The following CNTNAP5 variants were observed in gnomAD, a reference collection of about 807,000 sequenced individuals.
The protein encoded by CNTNAP5 is contactin-associated protein-like 5.
A neutral mutation model predicts 150.2 loss-of-function variants in CNTNAP5; 72 were observed. That is an observed-to-expected ratio of 0.48 (90% CI 0.40 to 0.58). The LOEUF (loss-of-function observed/expected upper bound fraction) is 0.58, where lower values mean the gene tolerates loss of function less well. Among genes scored for constraint, CNTNAP5 ranks in the 20% least tolerant of loss-of-function variants. CNTNAP5 has a pLI of 0.00. For missense variants in CNTNAP5, 1,636 were observed against 1,626.2 expected (o/e 1.01, Z -0.10); for synonymous variants, 672 against 619.8 (o/e 1.08, Z -1.25).
intron 8 of CNTNAP5, among the ~76,000 whole-genome samples, chr2:124,520,667 G>A (rs1187595137): frequency 1.3e-5 from 2 of 152,064 alleles, no homozygotes; most frequent in Non-Finnish European, 2.9e-5. Flanking sequence ...TATATCATGG[G>A]GGTGCTTAGT....
intron 22 of CNTNAP5, among the ~76,000 whole-genome samples, chr2:124,909,716 C>T (rs1678613101): frequency 6.7e-6 from 1 of 150,182 alleles, no homozygotes; most frequent in East Asian, 2.0e-4. Context: ...CTCCCTCCCC[C>T]TTTTATTGAC....
chr2:124,082,309 A>G lies in CNTNAP5; in HGVS notation c.82+56577A>G, dbSNP rs575147331. Among the ~76,000 whole-genome samples, 32 of 140,582 alleles carry G rather than the reference A, an allele frequency of 2.3e-4. 1 individual carries two copies. Among genetic ancestry groups the G allele is most frequent in the Admixed American group, 3.9e-4 (5 of 12,768 alleles). The allele number at this position is 140,582 out of a possible 152,430, so 92.2% of individuals were successfully genotyped here. ...GGTTGCAGTGAGCCGAGACTGTGCCACTGCACTCTAGCCTGGGCAACAGAG... is the reference window on the plus strand; with the variant it reads ...GGTTGCAGTGAGCCGAGACTGTGCCGCTGCACTCTAGCCTGGGCAACAGAG... On this transcript the variant is annotated intron_variant, in intron 1 of 23. Coordinates refer to ENST00000682447, the MANE Select transcript of CNTNAP5 (RefSeq NM_001367498.1).
At chr2:124,231,113 C>T (rs375549461) in intron 2 of CNTNAP5, among the ~76,000 whole-genome samples, 27 of 152,150 alleles carry the variant, frequency 1.8e-4, no homozygotes, top group Non-Finnish European at 2.8e-4. Flanking sequence ...GGATCAGAAC[C>T]CGTGCATTAA....
intron 10 of CNTNAP5, among the ~76,000 whole-genome samples, chr2:124,559,333 A>G (rs1230553379): frequency 2.6e-5 from 4 of 151,950 alleles, no homozygotes; most frequent in Non-Finnish European, 4.4e-5. Context: ...CCTTAAGACA[A>G]TGCACATTCT....
chr2:124,866,260 A>G (rs1051802644), intron 20 of CNTNAP5, among the ~76,000 whole-genome samples: 3 of 152,164 alleles, frequency 2.0e-5, no homozygotes, highest in Middle Eastern at 3.2e-3. Flanking sequence ...TCCATCTCAA[A>G]AAACAAACAA....
intron 3 of CNTNAP5, among the ~76,000 whole-genome samples, chr2:124,400,189 T>G (rs2104757354): frequency 6.6e-6 from 1 of 152,098 alleles, no homozygotes; most frequent in East Asian, 1.9e-4. Context: ...CCACCTGTTC[T>G]GCTTGAGATT....
intron 11 of CNTNAP5, among the ~76,000 whole-genome samples, chr2:124,563,611 C>G (rs961829717): frequency 2.0e-5 from 3 of 152,128 alleles, no homozygotes; most frequent in Non-Finnish European, 4.4e-5. Context: ...GTGCTGTAGG[C>G]ACACAAGAGG....
intron 8 of CNTNAP5, among the ~76,000 whole-genome samples, chr2:124,516,025 GA>G (rs1169392819): frequency 6.6e-6 from 1 of 152,044 alleles, no homozygotes; most frequent in Non-Finnish European, 1.5e-5. Flanking sequence ...AAAAGAGGGG[GA>G]CCACTAAAGA....
intron 3 of CNTNAP5, among the ~76,000 whole-genome samples, chr2:124,370,450 G>A (rs1386739186): frequency 6.6e-6 from 1 of 152,094 alleles, no homozygotes; most frequent in Non-Finnish European, 1.5e-5. Flanking sequence ...GTGACTACTA[G>A]CCTCTTCTCA....
chr2:124,418,001 C>A (rs562247616), intron 4 of CNTNAP5, among the ~76,000 whole-genome samples: 2 of 152,292 alleles, frequency 1.3e-5, no homozygotes, highest in East Asian at 3.9e-4. Flanking sequence ...GGAGAAAGAA[C>A]AACTAAATGT....
chr2:124,180,333 T>C (rs960075797), intron 1 of CNTNAP5, among the ~76,000 whole-genome samples: 10 of 152,214 alleles, frequency 6.6e-5, no homozygotes, highest in Non-Finnish European at 1.3e-4. Flanking sequence ...AAATTTGAAA[T>C]AGATATTTTG....
At chr2:124,306,786 G>A (rs1478729579) in intron 3 of CNTNAP5, among the ~76,000 whole-genome samples, 1 of 140,904 alleles carries the variant, frequency 7.1e-6, no homozygotes, top group Non-Finnish European at 1.5e-5. Context: ...GGAGTTCAGT[G>A]GCATAATCTT....
At chr2:124,252,489 C>G (rs1024391961) in intron 3 of CNTNAP5, among the ~76,000 whole-genome samples, 1 of 152,142 alleles carries the variant, frequency 6.6e-6, no homozygotes, top group East Asian at 1.9e-4. Context: ...TTTTTCTGAG[C>G]CCTCTCTGGG....
chr2:124,361,148 T>G (rs1573941356), intron 3 of CNTNAP5, among the ~76,000 whole-genome samples: 1 of 148,382 alleles, frequency 6.7e-6, no homozygotes, highest in East Asian at 2.0e-4. Flanking sequence ...GAGCCTTGGG[T>G]TTCAGCTCCA....
intron 23 of CNTNAP5, among the ~76,000 whole-genome samples, chr2:124,913,635 A>G (rs1261060344): frequency 6.6e-6 from 1 of 152,136 alleles, no homozygotes; most frequent in East Asian, 1.9e-4. Context: ...AATTTACATC[A>G]GGAGAGCATG....
intron 10 of CNTNAP5, among the ~76,000 whole-genome samples, chr2:124,545,816 G>T (rs1695499187): frequency 6.6e-6 from 1 of 152,166 alleles, no homozygotes; most frequent in Non-Finnish European, 1.5e-5. Flanking sequence ...CTCAAGCCAA[G>T]TACAGTAGCA....
chr2:124,028,428 A>G (rs1386693472), intron 1 of CNTNAP5, among the ~76,000 whole-genome samples: 1 of 152,100 alleles, frequency 6.6e-6, no homozygotes, highest in Non-Finnish European at 1.5e-5. Flanking sequence ...TAAGTTTCTA[A>G]TTAAACAAAA....
At chr2:124,340,819 A>G (rs1689594015) in intron 3 of CNTNAP5, among the ~76,000 whole-genome samples, 1 of 148,210 alleles carries the variant, frequency 6.7e-6, no homozygotes. Flanking sequence ...GTATATATAT[A>G]TATATATATG....
At chr2:124,804,189 G>A (rs886970476) in intron 19 of CNTNAP5, among the ~76,000 whole-genome samples, 12 of 152,148 alleles carry the variant, frequency 7.9e-5, no homozygotes, top group African/African-American at 2.7e-4. Flanking sequence ...ATGAGGTTAT[G>A]AGACACTGTG....
Sources: allele counts gnomAD v4.1 joint callset (sites outside exome capture counted in the v4.1 genomes callset), GRCh38; gene constraint gnomAD v4.1.1; transcripts MANE v1.5; gene names NCBI Gene and HGNC (gene_info 2026-07-23, HGNC 2026-07-21).